The following ESR1 variants were observed in gnomAD, a reference collection of about 807,000 sequenced individuals.
ESR1 encodes the protein estrogen receptor 1.
In ESR1, 12 loss-of-function variants were observed where a neutral mutation model predicts 52.7. The ratio of observed to expected loss-of-function variants is 0.23; its 90% CI spans 0.15 to 0.37. The LOEUF (loss-of-function observed/expected upper bound fraction) is 0.37. Among genes scored for constraint, ESR1 ranks in the 10% least tolerant of loss-of-function variants. The pLI, the probability that ESR1 is intolerant of heterozygous loss-of-function variation, is 1.00. For synonymous variants in ESR1, 305 were observed against 316.8 expected (o/e 0.96, Z 0.39); for missense variants, 584 against 779.7 (o/e 0.75, Z 2.99).
intron 4 of ESR1, among the ~76,000 whole-genome samples, chr6:152,006,629 A>G (rs1041957617): frequency 6.6e-6 from 1 of 151,894 alleles, no homozygotes; most frequent in Non-Finnish European, 1.5e-5. Context: ...TCCTTCCATG[A>G]TTTATTTTTT....
chr6:152,027,423 G>A (rs140889111), intron 5 of ESR1, among the ~76,000 whole-genome samples: 7 of 152,016 alleles, frequency 4.6e-5, no homozygotes, highest in Non-Finnish European at 8.8e-5. Context: ...TTCTCTAATC[G>A]TTTTTGGTTG....
intron 2 of ESR1, among the ~76,000 whole-genome samples, chr6:151,710,319 A>G (rs1293236311): frequency 6.6e-6 from 1 of 151,552 alleles, no homozygotes; most frequent in African/African-American, 2.4e-5. Context: ...AGATACGTGG[A>G]TTACATTTTT....
At chr6:151,801,063 T>TGTGTGTGTGTGTGTGTGTGC (rs1453101537), upstream of ESR1, among the ~76,000 whole-genome samples, 123 of 151,706 alleles carry the variant, frequency 8.1e-4, no homozygotes, top group East Asian at 0.018. Flanking sequence ...TGTGTGTGTG[T>TGTGTGTGTGTGTGTGTGTGC]GTGTGTGTGT....
chr6:152,036,221 G>A (rs183118805), intron 5 of ESR1, among the ~76,000 whole-genome samples: 70 of 152,234 alleles, frequency 4.6e-4, no homozygotes, highest in Admixed American at 2.0e-3. Context: ...TTAGCTGGGC[G>A]TGGTGGCGGG....
intron 3 of ESR1, among the ~76,000 whole-genome samples, chr6:151,908,124 A>G (rs1797725526): frequency 6.6e-6 from 1 of 152,180 alleles, no homozygotes; most frequent in Non-Finnish European, 1.5e-5. Flanking sequence ...GTTTTTAACA[A>G]TGTACATGAA....
At chr6:151,898,424 T>A (rs1028242606) in intron 3 of ESR1, among the ~76,000 whole-genome samples, 1 of 150,320 alleles carries the variant, frequency 6.7e-6, no homozygotes, top group Non-Finnish European at 1.5e-5. Context: ...TTTTAATTGA[T>A]CATTCTTGGG....
At chr6:152,095,696 A>G (rs1252375182) in intron 7 of ESR1, among the ~76,000 whole-genome samples, 1 of 152,180 alleles carries the variant, frequency 6.6e-6, no homozygotes, top group East Asian at 1.9e-4. Context: ...AACCTATCAT[A>G]GCTCAGATCT....
rs571283250 is a variant in ESR1 at position 151,704,634 on chromosome 6, C to T, written c.-71+2629C>T. On this transcript the variant is annotated intron_variant, in intron 2 of 2. Transcript: ENST00000404742. ...CTTAGTCATGTCTGGAGTCAGTGAG[C>T]TCAGTCAAGTAGTTTGCAGAATGAC... is the stretch of plus-strand genomic sequence containing the variant. Among the ~76,000 whole-genome samples, 6 of 152,268 alleles carry T rather than the reference C, an allele frequency of 3.9e-5. No homozygotes were observed. In the East Asian group the frequency reaches 7.8e-4, roughly 20 times the overall value.
Position 152,101,106 on chromosome 6 carries a change from G to A in ESR1, c.*2140G>A, listed in dbSNP as rs2050952093. The A allele has an allele frequency of 4.4e-6, 1 of 228,898 alleles. No homozygotes were observed. Among genetic ancestry groups the A allele is most frequent in the South Asian group, 1.8e-4 (1 of 5,446 alleles). The allele number at this position is 228,898 out of a possible 1,614,324, so 14.2% of individuals were successfully genotyped here. ...TACAGTCATTTATGCCTAAAGCCTG[G>A]TGATTATTCATTTAAATGAAGATCA... On this transcript the variant is annotated 3_prime_UTR_variant, in exon 8 of 8. Transcript: ENST00000206249.
At chr6:151,901,244 C>T (rs1796636103) in intron 3 of ESR1, among the ~76,000 whole-genome samples, 1 of 152,154 alleles carries the variant, frequency 6.6e-6, no homozygotes, top group Non-Finnish European at 1.5e-5. Flanking sequence ...CAGTTACAGG[C>T]CTCACCCAGC....
Position 151,807,722 on chromosome 6 carries a change from C to G in ESR1, c.-191C>G. On this transcript the variant is annotated 5_prime_UTR_variant, in exon 1 of 8. Transcript: ENST00000206249. ...TTCGTCCTGGGACTGCACTTGCTCC[C>G]GTCGGGTCGCCCGGCTTCACCGGAC... is the stretch of plus-strand genomic sequence containing the variant. The G allele has an allele frequency of 1.5e-6, 1 of 656,894 alleles. No individual in the cohort carries two copies. The allele number at this position is 656,894 out of a possible 1,614,324, so 40.7% of individuals were successfully genotyped here. A position where few individuals can be genotyped will look rare whatever the true frequency, so the allele number is the denominator to read the frequency against.
At chr6:151,884,781 C>A (rs1308082691) in intron 3 of ESR1, among the ~76,000 whole-genome samples, 2 of 152,170 alleles carry the variant, frequency 1.3e-5, no homozygotes, top group Non-Finnish European at 2.9e-5. Context: ...CTCTGCATTG[C>A]TTTTTCCTCT....
chr6:151,853,169 C>CAAAAAAAAAAAAAAAAAAAAAA (rs386408969), intron 2 of ESR1, among the ~76,000 whole-genome samples: 2 of 42,882 alleles, frequency 4.7e-5, no homozygotes, highest in African/African-American at 9.6e-5. Context: ...AGACTCGTCT[C>CAAAAAAAAAAAAAAAAAAAAAA]AAAAAAAAAA....
chr6:151,696,234 G>A (rs762978464), intron 1 of ESR1, among the ~76,000 whole-genome samples: 8 of 152,068 alleles, frequency 5.3e-5, no homozygotes, highest in Non-Finnish European at 1.0e-4. Flanking sequence ...ATTTTGGGAG[G>A]CTGAGGCCAG....
chr6:151,953,156 A>C (rs777964955), intron 4 of ESR1, among the ~76,000 whole-genome samples: 1 of 152,132 alleles, frequency 6.6e-6, no homozygotes, highest in African/African-American at 2.4e-5. Flanking sequence ...ACTGCATTGA[A>C]TCTTTCTGGC....
At chr6:151,769,912 C>T (rs951814028) in intron 2 of ESR1, among the ~76,000 whole-genome samples, 8 of 151,854 alleles carry the variant, frequency 5.3e-5, no homozygotes, top group Non-Finnish European at 1.0e-4. Context: ...TCTGCAGTCC[C>T]GGCTACTCGG....
At chr6:151,659,885 A>C (rs1777581058) in intron 1 of ESR1, among the ~76,000 whole-genome samples, 2 of 152,232 alleles carry the variant, frequency 1.3e-5, no homozygotes, top group Admixed American at 6.5e-5. Context: ...TAAAAACAAA[A>C]GGAACTCTTA....
intron 1 of ESR1, among the ~76,000 whole-genome samples, chr6:151,681,311 G>A (rs1778449992): frequency 6.6e-6 from 1 of 152,020 alleles, no homozygotes; most frequent in Non-Finnish European, 1.5e-5. Flanking sequence ...AACAGGTGGG[G>A]AAAATGCCTC....
chr6:151,895,131 T>A (rs1396760883), intron 3 of ESR1, among the ~76,000 whole-genome samples: 2 of 96,458 alleles, frequency 2.1e-5, no homozygotes, highest in Non-Finnish European at 4.0e-5. Flanking sequence ...TTGTTTTTTT[T>A]GGTTTTTTTT....
Sources: allele counts gnomAD v4.1 joint callset (sites outside exome capture counted in the v4.1 genomes callset), GRCh38; gene constraint gnomAD v4.1.1; transcripts MANE v1.5; gene names NCBI Gene and HGNC (gene_info 2026-07-23, HGNC 2026-07-21).